The following KSR2 variants were observed in gnomAD, a reference collection of about 807,000 sequenced individuals.
KSR2 encodes the protein kinase suppressor of ras 2.
KSR2 carries 25 observed loss-of-function variants against 107.8 expected under a neutral mutation model. That is an observed-to-expected ratio of 0.23 (90% CI 0.17 to 0.32). KSR2 has a LOEUF of 0.32. Ranked by LOEUF, KSR2 falls within the 10% of genes least tolerant of loss-of-function variation. The pLI, the probability that KSR2 is intolerant of heterozygous loss-of-function variation, is 1.00. For synonymous variants in KSR2, 480 were observed against 507.0 expected, an observed-to-expected ratio of 0.95 and a Z score of 0.71; for missense variants, 887 against 1,268.9, an observed-to-expected ratio of 0.70 and a Z score of 4.57.
At chr12:117,734,745 C>CATGGATGG (rs1322322640) in intron 4 of KSR2, among the ~76,000 whole-genome samples, 23,245 of 146,156 alleles carry the variant, frequency 0.16, 2,165 homozygotes, top group Non-Finnish European at 0.21. Flanking sequence ...TGCATGCATG[C>CATGGATGG]ATGCATGCAT....
intron 1 of KSR2, among the ~76,000 whole-genome samples, chr12:117,895,603 G>A (rs986925950): frequency 1.3e-5 from 2 of 152,090 alleles, no homozygotes; most frequent in African/African-American, 4.8e-5. Flanking sequence ...GTGAGGATGT[G>A]GTGAATGCAG....
chr12:117,701,595 T>C (rs1886320367), intron 4 of KSR2, among the ~76,000 whole-genome samples: 1 of 152,138 alleles, frequency 6.6e-6, no homozygotes, highest in Non-Finnish European at 1.5e-5. Flanking sequence ...GGGGGGTCCT[T>C]ATAGACGTAA....
chr12:117,862,424 G>A (rs1203413811), intron 1 of KSR2, among the ~76,000 whole-genome samples: 1 of 152,158 alleles, frequency 6.6e-6, no homozygotes, highest in African/African-American at 2.4e-5. Context: ...CCAGCACTCT[G>A]GGTGGCCAAG....
chr12:117,901,112 T>A (rs1220687908), intron 1 of KSR2, among the ~76,000 whole-genome samples: 1 of 151,944 alleles, frequency 6.6e-6, no homozygotes, highest in African/African-American at 2.4e-5. Flanking sequence ...CAGTGCGTCA[T>A]GGAAGGAGAG....
intron 1 of KSR2, among the ~76,000 whole-genome samples, chr12:117,894,382 T>C (rs1460014012): frequency 2.0e-5 from 3 of 152,194 alleles, no homozygotes; most frequent in African/African-American, 4.8e-5. Flanking sequence ...AAATATTATA[T>C]GGCTGGGCAC....
chr12:117,836,149 G>T (rs995169264), intron 3 of KSR2, among the ~76,000 whole-genome samples: 1 of 152,072 alleles, frequency 6.6e-6, no homozygotes, highest in Admixed American at 6.5e-5. Flanking sequence ...CTGCTCCAAA[G>T]TACTAAAAGG....
chr12:117,844,588 A>G (rs1892629710), intron 3 of KSR2, among the ~76,000 whole-genome samples: 1 of 152,058 alleles, frequency 6.6e-6, no homozygotes, highest in Admixed American at 6.6e-5. Context: ...TGCTGACATC[A>G]CAGCCCAAAT....
intron 4 of KSR2, among the ~76,000 whole-genome samples, chr12:117,739,645 C>CT (rs889751027): frequency 3.3e-5 from 5 of 152,172 alleles, no homozygotes; most frequent in Non-Finnish European, 5.9e-5. Flanking sequence ...TGTGTTTTCA[C>CT]TGAGAGCTCA....
intron 9 of KSR2, among the ~76,000 whole-genome samples, chr12:117,546,514 A>C (rs1157545712): frequency 6.6e-6 from 1 of 152,104 alleles, no homozygotes; most frequent in Non-Finnish European, 1.5e-5. Flanking sequence ...TCTTTTGCCC[A>C]GTTTGGGAAG....
chr12:117,803,433 T>C (rs1216263451), intron 3 of KSR2, among the ~76,000 whole-genome samples: 1 of 152,216 alleles, frequency 6.6e-6, no homozygotes, highest in African/African-American at 2.4e-5. Flanking sequence ...CCAGGCGCAG[T>C]GGCTCACGCC....
chr12:117,493,425 A>T (rs1354973800), intron 14 of KSR2, among the ~76,000 whole-genome samples: 1 of 150,748 alleles, frequency 6.6e-6, no homozygotes, highest in East Asian at 2.0e-4. Context: ...TTCTCATATG[A>T]CTCTCCCTGT....
In KSR2 at chr12:117,733,627, CA is replaced by C. The variant is rs1770630524; in HGVS notation, c.986+27383del. 2.0e-5 allele frequency among the ~76,000 whole-genome samples: 3 copies of C among 152,182 alleles called. No individual in the cohort carries two copies. The South Asian group carries it at 6.2e-4, about 32-fold the overall frequency. ...GCTGTATTTACTCCCTGGACCCTTA[CA>C]GGGAAAATTTGCCAGCCCCTGTCAC... On this transcript the variant is annotated intron_variant, in intron 4 of 19. Transcript: ENST00000339824.
intron 4 of KSR2, among the ~76,000 whole-genome samples, chr12:117,755,520 A>G (rs1888758458): frequency 6.6e-6 from 1 of 152,184 alleles, no homozygotes; most frequent in Admixed American, 6.5e-5. Context: ...ATGACAGTGA[A>G]ATAAATCGAT....
At chr12:117,834,014 C>T (rs934125156) in intron 3 of KSR2, among the ~76,000 whole-genome samples, 20 of 151,640 alleles carry the variant, frequency 1.3e-4, no homozygotes, top group Admixed American at 5.3e-4. Flanking sequence ...GGTGGCATAC[C>T]CCTATAGTTC....
chr12:117,915,248 G>T (rs1895139978), intron 1 of KSR2, among the ~76,000 whole-genome samples: 1 of 152,220 alleles, frequency 6.6e-6, no homozygotes, highest in South Asian at 2.1e-4. Flanking sequence ...GGCCAGCAGG[G>T]TCAGGTTCTG....
chr12:117,537,015 T>C (rs923811372), intron 10 of KSR2, among the ~76,000 whole-genome samples: 4 of 152,234 alleles, frequency 2.6e-5, no homozygotes, highest in African/African-American at 9.6e-5. Flanking sequence ...GAGTTCGAGA[T>C]GAGCCTCACC....
At chr12:117,935,640 G>A (rs1895815404) in intron 1 of KSR2, among the ~76,000 whole-genome samples, 1 of 152,172 alleles carries the variant, frequency 6.6e-6, no homozygotes, top group Non-Finnish European at 1.5e-5. Context: ...GGGCGCCTGT[G>A]ATCCTAGCTA....
intron 3 of KSR2, among the ~76,000 whole-genome samples, chr12:117,820,144 C>T (rs761352473): frequency 3.7e-4 from 56 of 152,116 alleles, no homozygotes; most frequent in Admixed American, 9.2e-4. Flanking sequence ...TACTTTAAAA[C>T]AATAACTAGA....
intron 19 of KSR2, among the ~76,000 whole-genome samples, chr12:117,469,191 G>A (rs1160976199): frequency 2.6e-5 from 4 of 152,170 alleles, no homozygotes; most frequent in Non-Finnish European, 5.9e-5. Flanking sequence ...GATACTTCTG[G>A]TGAGCTCAGA....
Sources: gnomAD v4.1 joint callset for allele counts (sites outside exome capture counted in the v4.1 genomes callset) on GRCh38, gnomAD v4.1.1 for gene constraint, MANE v1.5 for transcripts, NCBI Gene and HGNC (gene_info 2026-07-23, HGNC 2026-07-21) for gene names.